Variants in PFKFB4 observed in about 807,000 individuals in gnomAD.
PFKFB4 encodes the protein 6-phosphofructo-2-kinase/fructose-2,6-biphosphatase 4.
In PFKFB4, 42 loss-of-function variants were observed where a neutral mutation model predicts 62.8. The ratio of observed to expected loss-of-function variants is 0.67; its 90% CI spans 0.52 to 0.86. The LOEUF is 0.86. PFKFB4 is among the 40% of genes least tolerant of loss of function. PFKFB4 has a pLI of 0.00. For missense variants in PFKFB4, 475 were observed against 627.2 expected (o/e 0.76, Z 2.59); for synonymous variants, 204 against 240.7 (o/e 0.85, Z 1.41).
chr3:48,549,992 C>A, intron 2 of PFKFB4, 32 bp from the exon 3 acceptor site: 1 of 1,533,664 alleles, frequency 6.5e-7, no homozygotes, highest in Non-Finnish European at 9.0e-7. Flanking sequence ...GCTTTCACAG[C>A]AACAGCAACC....
intron 4 of PFKFB4, among the ~76,000 whole-genome samples, chr3:48,543,373 A>C (rs1042293844): frequency 6.6e-6 from 1 of 152,212 alleles, no homozygotes; most frequent in Non-Finnish European, 1.5e-5. Flanking sequence ...TGCGGCCACC[A>C]CATGCCCAGA....
upstream of PFKFB4, chr3:48,561,283 G>A (rs1437837854): frequency 3.9e-5 from 11 of 283,300 alleles, no homozygotes; most frequent in African/African-American, 1.8e-4. This position sits in a 1 kb window ranked among gnomAD's most constrained non-coding sequence, Gnocchi z 5.2. Context: ...TGAGGGCAGC[G>A]CCAGTGCCCC....
chr3:48,563,009 G>C, upstream of PFKFB4: 1 of 1,610,948 alleles, frequency 6.2e-7, no homozygotes, highest in Middle Eastern at 1.7e-4. The surrounding 1 kb of genome is among the most constrained non-coding windows in gnomAD (Gnocchi z 4.5). Context: ...AGGTCGGGGA[G>C]TGGTCTGGGG....
At chr3:48,523,975 G>A in intron 10 of PFKFB4, 145 bp from the exon 11 acceptor site, 1 of 894,888 alleles carries the variant, frequency 1.1e-6, no homozygotes. Flanking sequence ...CTAGCCTTCT[G>A]AGGCCATGGG....
intron 9 of PFKFB4, among the ~76,000 whole-genome samples, chr3:48,529,738 G>A (rs2042376876): frequency 6.6e-6 from 1 of 152,232 alleles, no homozygotes; most frequent in African/African-American, 2.4e-5. Context: ...ACCACAACTT[G>A]AGTTCAGGAG....
rs1428484414 is a variant in PFKFB4 at position 48,556,108 on chromosome 3, G to A, written c.97+573C>T. On this transcript the variant is annotated intron_variant, in intron 1 of 13. Coordinates refer to ENST00000232375, the MANE Select transcript of PFKFB4 (RefSeq NM_004567.4). The surrounding 1 kb of genome is among the most constrained non-coding windows in gnomAD (Gnocchi z 5.7). ...TACATGTCCCGGGACACAGACACAG[G>A]CCCACACGGCATACTTTTCTGTCTC... 1 of 456,772 alleles carries A rather than the reference G, an allele frequency of 2.2e-6. No individual in the cohort carries two copies. The highest frequency in any genetic ancestry group is 2.0e-5 in the African/African-American group (1 of 50,192). The allele number at this position is 456,772 out of a possible 1,614,324, so 28.3% of individuals were successfully genotyped here.
intron 3 of PFKFB4, among the ~76,000 whole-genome samples, chr3:48,547,479 T>C (rs2043001042): frequency 6.6e-6 from 1 of 152,078 alleles, no homozygotes; most frequent in Non-Finnish European, 1.5e-5. Flanking sequence ...TGCCCTTGCA[T>C]ACACTTTGTT....
upstream of PFKFB4, chr3:48,556,992 C>G: frequency 7.3e-7 from 1 of 1,376,932 alleles, no homozygotes. This position sits in a 1 kb window ranked among gnomAD's most constrained non-coding sequence, Gnocchi z 5.7. Flanking sequence ...CCTACCCGCC[C>G]GTTTTGGAAC....
At chr3:48,538,671 G>A (rs775979289) in intron 6 of PFKFB4, 52 bp from the exon 7 acceptor site, 13 of 1,611,446 alleles carry the variant, frequency 8.1e-6, no homozygotes, top group Non-Finnish European at 1.1e-5. Flanking sequence ...GAGCCAGGCG[G>A]GGCCAGAGAC....
intron 12 of PFKFB4, among the ~76,000 whole-genome samples, chr3:48,522,474 T>A (rs1327581892): frequency 1.3e-5 from 2 of 152,206 alleles, no homozygotes; most frequent in Non-Finnish European, 1.5e-5. Flanking sequence ...TGGAGTGACA[T>A]CAGCTGCCAC....
At chr3:48,525,536 G>A (rs780141496) in intron 10 of PFKFB4, 29 bp downstream of exon 10, 2 of 1,282,134 alleles carry the variant, frequency 1.6e-6, no homozygotes, top group Non-Finnish European at 1.1e-6. Context: ...GCAGTAGGTG[G>A]CTGGGACTAA....
In PFKFB4 at chr3:48,550,254, G is replaced by A. The variant is rs1052987974; in HGVS notation, c.98-20C>T. ...TGCACACTAAAAGGCAAGCAGCACA[G>A]TGTCAGATGAGGGCTGGGACCCTCC... On this transcript the variant is annotated intron_variant, in intron 1 of 13. Coordinates refer to ENST00000232375, the MANE Select transcript of PFKFB4 (RefSeq NM_004567.4). 1 of 1,531,880 alleles carries A rather than the reference G, an allele frequency of 6.5e-7. No homozygotes were observed. Among genetic ancestry groups the A allele is most frequent in the African/African-American group, 1.4e-5 (1 of 73,284 alleles). 94.9% of individuals were successfully genotyped at this position (1,531,880 alleles called of 1,614,324 possible). A position where few individuals can be genotyped will look rare whatever the true frequency, so the allele number is the denominator to read the frequency against.
In PFKFB4 at chr3:48,523,821, C is replaced by G; in HGVS notation, c.1102G>C (p.Asp368His). Residue 368 changes from aspartate (D) to histidine (H), a missense_variant, in exon 11 of 14, where the codon GAC becomes CAC. Physicochemically the swap from Asp to His is moderately conservative, Grantham distance 81. Coordinates refer to ENST00000232375, the MANE Select transcript of PFKFB4 (RefSeq NM_004567.4). Reference protein sequence around the residue: ...YRYPKGESYEDLVQRLEPVIM... With the variant: ...YRYPKGESYEHLVQRLEPVIM... ...ACAGGCTCCAGTCTCTGGACCAGGT[C>G]CTCGTAGGACTGCAAGGGCAAGCAG... 1 of 1,613,902 alleles carries G rather than the reference C, an allele frequency of 6.2e-7. No individual in the cohort carries two copies. Among genetic ancestry groups the G allele is most frequent in the Non-Finnish European group, 8.5e-7 (1 of 1,179,866 alleles).
intron 1 of PFKFB4, among the ~76,000 whole-genome samples, chr3:48,550,548 G>GCA (rs2043110180): frequency 6.6e-6 from 1 of 152,148 alleles, no homozygotes; most frequent in South Asian, 2.1e-4. Context: ...ATGGCTAGGG[G>GCA]GGTCCCCACC....
At chr3:48,562,713 G>T, upstream of PFKFB4, 1 of 1,387,960 alleles carries the variant, frequency 7.2e-7, no homozygotes, top group Non-Finnish European at 9.6e-7. This position sits in a 1 kb window ranked among gnomAD's most constrained non-coding sequence, Gnocchi z 4.3. Context: ...GGCAGCATCC[G>T]TCCAGCTGTG....
upstream of PFKFB4, among the ~76,000 whole-genome samples, chr3:48,558,708 A>T (rs1043801154): frequency 6.6e-6 from 1 of 152,206 alleles, no homozygotes; most frequent in African/African-American, 2.4e-5. Context: ...AGAGTCAACA[A>T]CTTCCTCCTT....
upstream of PFKFB4, chr3:48,559,898 C>CACA (rs2043405687): frequency 5.7e-5 from 11 of 191,630 alleles, no homozygotes; most frequent in South Asian, 1.8e-4. Flanking sequence ...AACCATCCCA[C>CACA]CACACACACA....
chr3:48,531,587 C>T (rs902985715), intron 9 of PFKFB4, among the ~76,000 whole-genome samples: 6 of 150,684 alleles, frequency 4.0e-5, no homozygotes, highest in African/African-American at 9.8e-5. Context: ...TCCCAAAGTG[C>T]TTGGATTACA....
intron 10 of PFKFB4, among the ~76,000 whole-genome samples, 182 bp from the exon 11 acceptor site, chr3:48,524,012 C>G (rs2042178848): frequency 6.6e-6 from 1 of 152,188 alleles, no homozygotes; most frequent in African/African-American, 2.4e-5. Context: ...AAGGGGCCAC[C>G]TTTCCCACCT....
Sources: allele counts gnomAD v4.1 joint callset (sites outside exome capture counted in the v4.1 genomes callset), GRCh38; gene constraint gnomAD v4.1.1; non-coding constraint Gnocchi (gnomAD v3.1); transcripts MANE v1.5; gene names NCBI Gene and HGNC (gene_info 2026-07-23, HGNC 2026-07-21).